Variants in AGXT2 observed in about 807,000 individuals in gnomAD.
The protein encoded by AGXT2 is alanine--glyoxylate aminotransferase 2, mitochondrial.
AGXT2 carries 61 observed loss-of-function variants against 62.5 expected under a neutral mutation model. The ratio of observed to expected loss-of-function variants is 0.98; its 90% CI spans 0.79 to 1.21. The LOEUF is 1.21. AGXT2 is among the 50% of genes most tolerant of loss of function. The pLI is 0.00. For missense variants in AGXT2, 666 were observed against 641.5 expected (o/e 1.04, Z -0.41); for synonymous variants, 243 against 218.7 (o/e 1.11, Z -0.98).
Position 35,032,752 on chromosome 5 carries a change from C to G in AGXT2, c.749G>C (p.Arg250Thr). ...HCRDSPVQTIRKCSCAPDCCQ... is the reference protein window; with the variant it reads ...HCRDSPVQTITKCSCAPDCCQ... The stretch of plus-strand genomic sequence containing the variant: ...CGGACCTGGTGCACAGCTGCACTTC[C>G]TGATTGTTTGCACTGGAGAATCTCG... The change falls in exon 7 of 14, where the codon AGG becomes ACG. Residue 250 changes from arginine to threonine, a missense_variant. By Grantham distance (71) the Arg-to-Thr change is moderately conservative. Transcript: ENST00000231420. 6.2e-7 allele frequency: 1 copy of G among 1,609,042 alleles called. No homozygotes were observed. The highest frequency in any genetic ancestry group is 8.5e-7 in the Non-Finnish European group (1 of 1,177,548).
rs188991489 is a variant in AGXT2, at chr5:35,045,877, C to T, written c.88+1928G>A. On this transcript the variant is annotated intron_variant, in intron 1 of 13. Transcript: ENST00000231420. ...CCGACTCCCGGGTTCAAGCCATTCT[C>T]CTGCCTCAGCCTCCTGAGTAGCTGG... is the stretch of plus-strand genomic sequence containing the variant. Among the ~76,000 whole-genome samples the T allele has an allele frequency of 8.0e-5, 12 of 149,800 alleles. No individual in the cohort carries two copies. The East Asian group carries it at 2.2e-3, about 27-fold the overall frequency.
At chr5:35,003,947 T>A in intron 12 of AGXT2, 86 bp from the exon 13 acceptor site, 1 of 1,295,438 alleles carries the variant, frequency 7.7e-7, no homozygotes, top group South Asian at 1.2e-5. Flanking sequence ...AGAAAAACCC[T>A]TCAGCCATCA....
In AGXT2 at chr5:35,032,725, G is replaced by T; in HGVS notation, c.769+7C>A. On this transcript the variant is annotated splice_region_variant and intron_variant, in intron 7 of 13. Coordinates refer to ENST00000231420, the MANE Select transcript of AGXT2 (RefSeq NM_031900.4). ...ACTCCACTGGCACCCCCCTTGCCCA[G>T]TCGGACCTGGTGCACAGCTGCACTT... is the stretch of plus-strand genomic sequence containing the variant. 1.2e-6 allele frequency: 2 copies of T among 1,601,280 alleles called. No homozygotes were observed. Among genetic ancestry groups the T allele is most frequent in the African/African-American group, 1.3e-5 (1 of 74,902 alleles).
chr5:35,018,775 T>C (rs1766949943), intron 9 of AGXT2, among the ~76,000 whole-genome samples: 1 of 140,676 alleles, frequency 7.1e-6, no homozygotes, highest in South Asian at 2.4e-4. Flanking sequence ...AGACACAGAC[T>C]GGCAAATTGG....
intron 12 of AGXT2, among the ~76,000 whole-genome samples, chr5:35,009,136 G>C (rs1766532082): frequency 6.6e-6 from 1 of 152,064 alleles, no homozygotes; most frequent in Non-Finnish European, 1.5e-5. Flanking sequence ...ATCTGGTTTG[G>C]GGGAAGATGC....
intron 1 of AGXT2, among the ~76,000 whole-genome samples, chr5:35,045,878 C>T (rs2112304657): frequency 6.6e-6 from 1 of 151,518 alleles, no homozygotes; most frequent in Non-Finnish European, 1.5e-5. Flanking sequence ...AGCCATTCTC[C>T]TGCCTCAGCC....
At chr5:35,006,050 T>C (rs1358304137) in intron 12 of AGXT2, among the ~76,000 whole-genome samples, 1 of 152,178 alleles carries the variant, frequency 6.6e-6, no homozygotes, top group Non-Finnish European at 1.5e-5. Context: ...TAATAACGTT[T>C]GGCAATTTCC....
chr5:35,032,825 T>A lies in AGXT2; in HGVS notation c.676A>T (p.Thr226Ser), dbSNP rs779967521. The A allele has an allele frequency of 6.2e-7, 1 of 1,600,126 alleles. No homozygotes were observed. Among genetic ancestry groups the A allele is most frequent in the African/African-American group, 1.3e-5 (1 of 74,802 alleles). The change falls in exon 7 of 14, where the codon ACA (threonine) becomes TCA (serine). Residue 226 changes from threonine to serine, a missense_variant and splice_region_variant. Thr to Ser is a moderately conservative substitution (Grantham distance 58, BLOSUM62 1). Transcript: ENST00000231420. ...CCACGAAAAACATCTGGACACATTGTCTGCAAATGACAAAAGAAGGAGTGT... is the reference window on the plus strand; with the variant it reads ...CCACGAAAAACATCTGGACACATTGACTGCAAATGACAAAAGAAGGAGTGT... Reference protein sequence around the residue: ...ELPGGTGCQPTMCPDVFRGPW... With the variant: ...ELPGGTGCQPSMCPDVFRGPW...
intron 3 of AGXT2, among the ~76,000 whole-genome samples, chr5:35,037,453 AAAG>A (rs1458229715): frequency 7.2e-5 from 11 of 152,078 alleles, no homozygotes; most frequent in African/African-American, 2.4e-4. Context: ...TTATTTTTCT[AAAG>A]AAGAAGAGAT....
rs1306091055 is a variant in AGXT2 at position 35,014,032 on chromosome 5, C to T, written c.1051G>A (p.Gly351Arg). Residue 351 changes from glycine to arginine, a missense_variant, in exon 10 of 14, where the codon GGG (glycine) becomes AGG (arginine). Coordinates refer to ENST00000231420, the MANE Select transcript of AGXT2 (RefSeq NM_031900.4). ...GCCATGGGAAAGCCATTCCCAATCC[C>T]TTTAGCCATGGTGACAATGTCAGGC... Reference protein sequence around the residue: ...VLPDIVTMAKGIGNGFPMAAV... With the variant: ...VLPDIVTMAKRIGNGFPMAAV... 10 of 1,614,154 alleles carry T rather than the reference C, an allele frequency of 6.2e-6. No homozygotes were observed. Among genetic ancestry groups the T allele is most frequent in the South Asian group, 1.1e-5 (1 of 91,078 alleles).
chr5:35,015,446 T>A (rs1561217661), intron 9 of AGXT2, among the ~76,000 whole-genome samples: 1 of 152,142 alleles, frequency 6.6e-6, no homozygotes, highest in South Asian at 2.1e-4. Context: ...TGGCTCTCAG[T>A]CTCCCTGCCT....
At chr5:35,047,725 C>T in intron 1 of AGXT2, 80 bp downstream of exon 1, 1 of 1,545,996 alleles carries the variant, frequency 6.5e-7, no homozygotes, top group Non-Finnish European at 8.8e-7. Flanking sequence ...TTCCAGAATC[C>T]CAGGCAGCAG....
At chr5:35,034,595 A>G (rs344157) in intron 5 of AGXT2, among the ~76,000 whole-genome samples, 142,698 of 152,254 alleles carry the variant, frequency 0.94, 67,353 homozygotes, top group Non-Finnish European at 1. Context: ...GCTGTATACA[A>G]TTACCCAAGG....
intron 13 of AGXT2, among the ~76,000 whole-genome samples, chr5:35,002,795 G>A (rs1766283075): frequency 6.6e-6 from 1 of 151,588 alleles, no homozygotes; most frequent in South Asian, 2.1e-4. Context: ...GGACTAACAC[G>A]GGAGGAAAGA....
At chr5:35,021,812 G>A (rs1160012278) in intron 9 of AGXT2, among the ~76,000 whole-genome samples, 8 of 151,826 alleles carry the variant, frequency 5.3e-5, no homozygotes, top group Non-Finnish European at 7.4e-5. Context: ...GAAAATTTTC[G>A]CAACCTACTC....
intron 7 of AGXT2, among the ~76,000 whole-genome samples, chr5:35,030,921 G>A (rs570349948): frequency 4.6e-5 from 7 of 152,284 alleles, no homozygotes; most frequent in Admixed American, 1.3e-4. Flanking sequence ...AAAGTTCTCC[G>A]TGCCTCATCT....
At chr5:35,028,122 T>C (rs917083936) in intron 7 of AGXT2, among the ~76,000 whole-genome samples, 3 of 152,050 alleles carry the variant, frequency 2.0e-5, no homozygotes, top group Non-Finnish European at 4.4e-5. Context: ...AGCTCAAGGT[T>C]ACCAGGTTCA....
At chr5:34,998,971 T>G (rs1766129968) in intron 13 of AGXT2, 145 bp from the exon 14 acceptor site, 1 of 708,148 alleles carries the variant, frequency 1.4e-6, no homozygotes, top group Admixed American at 2.0e-5. Flanking sequence ...CCATCCCCAA[T>G]GCTGAATCCA....
At chr5:35,006,936 T>C (rs2112177377) in intron 12 of AGXT2, among the ~76,000 whole-genome samples, 1 of 152,308 alleles carries the variant, frequency 6.6e-6, no homozygotes, top group Middle Eastern at 3.4e-3. Context: ...AGTGTAAACT[T>C]ATTTAGGAAA....
Sources: gnomAD v4.1 joint callset for allele counts (sites outside exome capture counted in the v4.1 genomes callset) on GRCh38, gnomAD v4.1.1 for gene constraint, MANE v1.5 for transcripts, NCBI Gene and HGNC (gene_info 2026-07-23, HGNC 2026-07-21) for gene names.